SH2B3: variants seen among roughly 807,000 people sequenced by gnomAD.
The protein encoded by SH2B3 is SH2B adaptor protein 3, also known as SH2B adapter protein 3.
Under a neutral mutation model 51.9 loss-of-function variants are expected in SH2B3, and 43 were observed. The ratio of observed to expected loss-of-function variants is 0.83; its 90% CI spans 0.65 to 1.07. The LOEUF is 1.07. Among genes scored for constraint, SH2B3 ranks in the 50% least tolerant of loss-of-function variants. The probability of loss-of-function intolerance (pLI) is 0.00; values close to 1 mark genes in which losing one functional copy is unlikely to be tolerated. For missense variants in SH2B3, 952 were observed against 834.3 expected (o/e 1.14, Z -1.74); for synonymous variants, 396 against 376.0 (o/e 1.05, Z -0.62).
chr12:111,451,324 T>G lies in SH2B3; in HGVS notation c.*3022T>G, dbSNP rs1874567256. The G allele has an allele frequency of 6.6e-6, 1 of 152,658 alleles. No individual in the cohort carries two copies. The highest frequency in any genetic ancestry group is 1.5e-5 in the Non-Finnish European group (1 of 68,038). The allele number at this position is 152,658 out of a possible 1,614,324, so 9.5% of individuals were successfully genotyped here. A position where few individuals can be genotyped will look rare whatever the true frequency, so the allele number is the denominator to read the frequency against. On this transcript the variant is annotated 3_prime_UTR_variant, in exon 8 of 8. Coordinates refer to ENST00000341259, the MANE Select transcript of SH2B3 (RefSeq NM_005475.3). Reference sequence around the variant, plus strand: ...AGGGTTGCCTGAGATTCCTTCATGCTTTCTATTCAGGACTAAGTCCCTTAC... The same window carrying G: ...AGGGTTGCCTGAGATTCCTTCATGCGTTCTATTCAGGACTAAGTCCCTTAC...
intron 1 of SH2B3, among the ~76,000 whole-genome samples, chr12:111,415,663 C>T (rs1371315147): frequency 6.7e-6 from 1 of 149,612 alleles, no homozygotes; most frequent in Admixed American, 6.6e-5. Flanking sequence ...GCTCTGTCAC[C>T]CAGGCTGGAA....
At chr12:111,431,803 C>T (rs1872515904) in intron 2 of SH2B3, among the ~76,000 whole-genome samples, 2 of 152,216 alleles carry the variant, frequency 1.3e-5, no homozygotes, top group South Asian at 4.1e-4. Flanking sequence ...GACAAACTCT[C>T]ACTATGTTGC....
chr12:111,434,978 C>A, intron 2 of SH2B3: 1 of 1,535,596 alleles, frequency 6.5e-7, no homozygotes, highest in Non-Finnish European at 8.7e-7. Flanking sequence ...GCCCCTCCAC[C>A]CCAGAAGCCC....
In SH2B3 at chr12:111,406,870, G is replaced by C. The variant is rs1010124996; in HGVS notation, c.-28+593G>C. Among the ~76,000 whole-genome samples, 2 of 152,206 alleles carry C rather than the reference G, an allele frequency of 1.3e-5. No homozygotes were observed. The highest frequency in any genetic ancestry group is 4.8e-5 in the African/African-American group (2 of 41,454). On this transcript the variant is annotated intron_variant, in intron 1 of 7. Transcript: ENST00000341259. This position sits in a 1 kb window ranked among gnomAD's most constrained non-coding sequence, Gnocchi z 5.7. The stretch of plus-strand genomic sequence containing the variant: ...TGAATTGGGCGGTTCACCAGGGCTA[G>C]GCGTCCCAGAGACAGGTTTCTGGTA...
chr12:111,416,888 AT>A (rs2135544449), intron 1 of SH2B3, among the ~76,000 whole-genome samples: 1 of 152,314 alleles, frequency 6.6e-6, no homozygotes, highest in East Asian at 1.9e-4. Context: ...CTTCCCCACC[AT>A]CCCCACATCC....
In SH2B3 at chr12:111,429,571, C is replaced by A. The variant is rs934946471; in HGVS notation, c.732+10694C>A. ...CTGGTCTCGAACTCCTGACCTCAGG[C>A]TGTCCATCTGCCTCGGCCTCCCAAA... On this transcript the variant is annotated intron_variant, in intron 2 of 7. Coordinates refer to ENST00000341259, the MANE Select transcript of SH2B3 (RefSeq NM_005475.3). The surrounding 1 kb of genome is among the most constrained non-coding windows in gnomAD (Gnocchi z 4.4). Among the ~76,000 whole-genome samples the A allele has an allele frequency of 1.2e-4, 19 of 152,156 alleles. No individual in the cohort carries two copies. The highest frequency in any genetic ancestry group is 4.1e-4 in the African/African-American group (17 of 41,440).
At position 111,428,684 on chromosome 12, in the gene SH2B3, T is replaced by A. The variant is rs568447874; in HGVS notation, c.732+9807T>A. Among the ~76,000 whole-genome samples, 4 of 152,084 alleles carry A rather than the reference T, an allele frequency of 2.6e-5. No homozygotes were observed. In the South Asian group the frequency reaches 8.3e-4, roughly 32 times the overall value. On this transcript the variant is annotated intron_variant, in intron 2 of 7. Coordinates refer to ENST00000341259, the MANE Select transcript of SH2B3 (RefSeq NM_005475.3). ...GGTGTCTGATGAGTGACCCATCCCTTGGGGGCCTCAGTTCCTGGGTGTGCC... is the reference window on the plus strand; with the variant it reads ...GGTGTCTGATGAGTGACCCATCCCTAGGGGGCCTCAGTTCCTGGGTGTGCC...
chr12:111,418,828 C>T lies in SH2B3; in HGVS notation c.683C>T (p.Pro228Leu). 2.8e-6 allele frequency: 4 copies of T among 1,424,314 alleles called. No individual in the cohort carries two copies. Among genetic ancestry groups the T allele is most frequent in the Non-Finnish European group, 3.6e-6 (4 of 1,103,038 alleles). 88.2% of individuals were successfully genotyped at this position (1,424,314 alleles called of 1,614,324 possible). Residue 228 changes from proline (P) to leucine (L), a missense_variant, in exon 2 of 8, where the codon CCG (proline) becomes CTG (leucine). Transcript: ENST00000341259. The surrounding 1 kb of genome is among the most constrained non-coding windows in gnomAD (Gnocchi z 6.7). ...GGGAGGCTGGCGCTGCGCCGGGCCC[C>T]GGGCCCCGATGGCCCCGACCGCGTG... ...QRGRLALRRA[P>L]GPDGPDRVLE...
At chr12:111,446,880 TGG>T (rs1874024504) in intron 3 of SH2B3, 26 bp downstream of exon 3, 1 of 1,605,046 alleles carries the variant, frequency 6.2e-7, no homozygotes, top group African/African-American at 1.3e-5. Context: ...TTTCACACCC[TGG>T]GGCAATACAA....
rs942565087 is a variant in SH2B3 at position 111,435,237 on chromosome 12, C to T, written c.733-11516C>T. ...CTGGCTTTGTGGCAGGGGGATGGGC[C>T]GTCGGTGCCCCATTCAAGCCTGGGG... On this transcript the variant is annotated intron_variant, in intron 2 of 7. Coordinates refer to ENST00000341259, the MANE Select transcript of SH2B3 (RefSeq NM_005475.3). This position sits in a 1 kb window ranked among gnomAD's most constrained non-coding sequence, Gnocchi z 4.8. 3.9e-5 allele frequency among the ~76,000 whole-genome samples: 6 copies of T among 152,204 alleles called. No individual in the cohort carries two copies. In the South Asian group the frequency reaches 6.2e-4, roughly 16 times the overall value.
In SH2B3 at chr12:111,450,027, A is replaced by G. The variant is rs1452847003; in HGVS notation, c.*1725A>G. The stretch of plus-strand genomic sequence containing the variant: ...CTGCAACCTCCACCTTCCTGGTTCA[A>G]GCGATTCTGCCTCGACCTCTCAAGT... On this transcript the variant is annotated 3_prime_UTR_variant, in exon 8 of 8. Coordinates refer to ENST00000341259, the MANE Select transcript of SH2B3 (RefSeq NM_005475.3). The G allele has an allele frequency of 6.6e-6, 1 of 152,002 alleles. No individual in the cohort carries two copies. 9.4% of individuals were successfully genotyped at this position (152,002 alleles called of 1,614,324 possible).
At position 111,418,142 on chromosome 12, in the gene SH2B3, C is replaced by T. The variant is rs1424267157; in HGVS notation, c.-4C>T. 6 of 1,496,322 alleles carry T rather than the reference C, an allele frequency of 4.0e-6. No homozygotes were observed. The highest frequency in any genetic ancestry group is 2.5e-5 in the East Asian group (1 of 40,124). 92.7% of individuals were successfully genotyped at this position (1,496,322 alleles called of 1,614,324 possible). A position where few individuals can be genotyped will look rare whatever the true frequency, so the allele number is the denominator to read the frequency against. ...AGCCCGGCCGCACCACCTGGGTCTC[C>T]GCCATGAACGGGCCTGCCCTGCAGC... On this transcript the variant is annotated 5_prime_UTR_variant, in exon 2 of 8. Coordinates refer to ENST00000341259, the MANE Select transcript of SH2B3 (RefSeq NM_005475.3). This position sits in a 1 kb window ranked among gnomAD's most constrained non-coding sequence, Gnocchi z 6.7.
chr12:111,414,153 C>T (rs527713826), intron 1 of SH2B3, among the ~76,000 whole-genome samples: 2 of 152,344 alleles, frequency 1.3e-5, no homozygotes, highest in South Asian at 2.1e-4. Flanking sequence ...ACCCTCCCCC[C>T]TTCAGGGACA....
In SH2B3 at chr12:111,418,383, C is replaced by T. The variant is rs73428142; in HGVS notation, c.238C>T (p.Arg80Cys). 1.6e-3 allele frequency: 2,419 copies of T among 1,506,870 alleles called. 40 individuals carry two copies. The African/African-American group carries it at 0.03, about 19-fold the overall frequency. 93.3% of individuals were successfully genotyped at this position (1,506,870 alleles called of 1,614,324 possible). Reference sequence around the variant, plus strand: ...CCAGCGCTACTTCTGCCGCGAGGTGCGCGACGGACGGGCGCCGGGCCGCGA... The same window carrying T: ...CCAGCGCTACTTCTGCCGCGAGGTGTGCGACGGACGGGCGCCGGGCCGCGA... ...LFQRYFCREV[R>C]DGRAPGRDYR... The change falls in exon 2 of 8, where the codon CGC becomes TGC. Residue 80 changes from arginine to cysteine, a missense_variant. Arg to Cys is a radical substitution (Grantham distance 180). Transcript: ENST00000341259. This position sits in a 1 kb window ranked among gnomAD's most constrained non-coding sequence, Gnocchi z 6.7.
upstream of SH2B3, among the ~76,000 whole-genome samples, chr12:111,405,494 G>A (rs1870174710): frequency 6.6e-6 from 1 of 152,330 alleles, no homozygotes; most frequent in African/African-American, 2.4e-5. This position sits in a 1 kb window ranked among gnomAD's most constrained non-coding sequence, Gnocchi z 5.4. Flanking sequence ...CCCCCTGGAG[G>A]CCAGGCCCCT....
chr12:111,406,451 A>G lies in SH2B3; in HGVS notation c.-28+174A>G, dbSNP rs1870253259. 6.6e-6 allele frequency among the ~76,000 whole-genome samples: 1 copy of G among 152,104 alleles called. No individual in the cohort carries two copies. The highest frequency in any genetic ancestry group is 1.5e-5 in the Non-Finnish European group (1 of 67,986). ...TCCGGGGTGACGGCTCCCAGCGCCTACGACCCCCCACTCAGCCACTACCCC... is the reference window on the plus strand; with the variant it reads ...TCCGGGGTGACGGCTCCCAGCGCCTGCGACCCCCCACTCAGCCACTACCCC... On this transcript the variant is annotated intron_variant, in intron 1 of 7. Transcript: ENST00000341259. This position sits in a 1 kb window ranked among gnomAD's most constrained non-coding sequence, Gnocchi z 5.7.
In SH2B3 at chr12:111,447,154, T is replaced by G. The variant is rs771015972; in HGVS notation, c.956T>G (p.Ile319Ser). 3.1e-6 allele frequency: 5 copies of G among 1,613,946 alleles called. No homozygotes were observed. The South Asian group carries it at 4.4e-5, about 14-fold the overall frequency. The change falls in exon 5 of 8, where the codon ATT becomes AGT. Residue 319 changes from isoleucine (I) to serine (S), a missense_variant. Physicochemically the swap from Ile to Ser is moderately radical, Grantham distance 142 (BLOSUM62 -2). Coordinates refer to ENST00000341259, the MANE Select transcript of SH2B3 (RefSeq NM_005475.3). ...GLESTEAEMH[I>S]PSALEPSTSS... is the part of the protein sequence containing the mutation. ...GAGAGCACAGAAGCAGAGATGCATA[T>G]TCCCTCAGCCCTAGAGCCTAGCACG...
chr12:111,434,128 C>T (rs1419471933), intron 2 of SH2B3, among the ~76,000 whole-genome samples: 1 of 152,140 alleles, frequency 6.6e-6, no homozygotes, highest in Non-Finnish European at 1.5e-5. Context: ...GTTATCTTAT[C>T]CTAAGTGTGA....
Position 111,446,950 on chromosome 12 carries a change from C to T in SH2B3, c.843C>T (p.Asp281=). 6.2e-7 allele frequency: 1 copy of T among 1,613,948 alleles called. No homozygotes were observed. The highest frequency in any genetic ancestry group is 8.5e-7 in the Non-Finnish European group (1 of 1,179,836). ...CCCTTCCTCCCTGCCAGGTGAAGGA[C>T]CGGACAGACATCATCTTTGAGGTGG... ...NLYTFVLKVK[D]RTDIIFEVGD... The change falls in exon 4 of 8, where the codon GAC becomes GAT. Residue 281 remains aspartate (D), a synonymous_variant. Transcript: ENST00000341259.
Sources: gnomAD v4.1 joint callset for allele counts (sites outside exome capture counted in the v4.1 genomes callset) on GRCh38, gnomAD v4.1.1 for gene constraint, Gnocchi (gnomAD v3.1) non-coding constraint, MANE v1.5 for transcripts, NCBI Gene and HGNC (gene_info 2026-07-23, HGNC 2026-07-21) for gene names.